The following SYNE2 variants were observed in gnomAD, a reference collection of about 807,000 sequenced individuals.
SYNE2 encodes nesprin-2.
SYNE2 carries 431 observed loss-of-function variants against 856.3 expected under a neutral mutation model. The observed-to-expected ratio is 0.50, with a 90% confidence interval of 0.47 to 0.55. The LOEUF (loss-of-function observed/expected upper bound fraction) is 0.55, where lower values mean the gene tolerates loss of function less well. Among genes scored for constraint, SYNE2 ranks in the 20% least tolerant of loss-of-function variants. SYNE2 has a pLI of 0.00. For missense variants in SYNE2, 8,129 were observed against 8,023.2 expected, an observed-to-expected ratio of 1.01 and a Z score of -0.50; for synonymous variants, 2,923 against 2,872.3, an observed-to-expected ratio of 1.02 and a Z score of -0.56.
At chr14:64,093,563 G>A in intron 61 of SYNE2, 83 bp downstream of exon 61, 1 of 1,529,312 alleles carries the variant, frequency 6.5e-7, no homozygotes. Context: ...TTGGTGTCTA[G>A]GAGCCTTTCT....
chr14:64,218,484 A>C lies in SYNE2; in HGVS notation c.19629A>C (p.Gly6543=). The stretch of plus-strand genomic sequence containing the variant: ...GCAACCCACAGCAGGAAGACGGGGG[A>C]CTGGCCGGTATCACAGAGCAGCAGT... The part of the protein sequence containing the change: ...LNGNPQQEDG[G]LAGITEQQSG... The change falls in exon 109 of 116, where the codon GGA becomes GGC. Residue 6543 remains glycine, a synonymous_variant. Transcript: ENST00000555002. The C allele has an allele frequency of 6.2e-7, 1 of 1,614,012 alleles. No individual in the cohort carries two copies. The highest frequency in any genetic ancestry group is 8.5e-7 in the Non-Finnish European group (1 of 1,180,008).
intron 74 of SYNE2, 60 bp from the exon 75 acceptor site, chr14:64,129,722 C>T: frequency 6.2e-7 from 1 of 1,609,056 alleles, no homozygotes. Context: ...TTTTAGATAA[C>T]TATGTGTACT....
intron 1 of SYNE2, among the ~76,000 whole-genome samples, chr14:63,833,200 C>A (rs1405878972): frequency 6.6e-6 from 1 of 151,598 alleles, no homozygotes; most frequent in Non-Finnish European, 1.5e-5. Context: ...CAAAGCAAGG[C>A]CCTGTCCAAA....
At chr14:63,847,389 C>T (rs998910167) in intron 1 of SYNE2, among the ~76,000 whole-genome samples, 9 of 151,600 alleles carry the variant, frequency 5.9e-5, no homozygotes, top group Admixed American at 2.6e-4. Context: ...CCCAGGAGGT[C>T]GAGGCTGCAA....
chr14:64,124,964 C>A, intron 70 of SYNE2, 115 bp from the exon 71 acceptor site: 1 of 1,325,226 alleles, frequency 7.5e-7, no homozygotes, highest in Admixed American at 2.1e-5. Flanking sequence ...GATCATGCCA[C>A]TGCACTCCAG....
intron 2 of SYNE2, among the ~76,000 whole-genome samples, chr14:63,923,424 A>G (rs1318339000): frequency 1.3e-5 from 2 of 152,252 alleles, no homozygotes; most frequent in Non-Finnish European, 2.9e-5. Context: ...ATATTTTCCC[A>G]ACAAACTAAG....
intron 73 of SYNE2, 115 bp downstream of exon 73, chr14:64,126,922 A>C: frequency 8.7e-7 from 1 of 1,147,172 alleles, no homozygotes. Flanking sequence ...AAGGGAAATG[A>C]TGAGACTCTT....
intron 1 of SYNE2, among the ~76,000 whole-genome samples, chr14:63,822,616 G>A (rs920884922): frequency 6.6e-6 from 1 of 152,186 alleles, no homozygotes; most frequent in Admixed American, 6.6e-5. Context: ...ATTTGCAAAG[G>A]TTAAACATAT....
intron 59 of SYNE2, 116 bp from the exon 60 acceptor site, chr14:64,090,750 A>G (rs1332587525): frequency 5.3e-6 from 5 of 949,234 alleles, no homozygotes; most frequent in Non-Finnish European, 1.6e-6. Context: ...GAGCTAAGAA[A>G]TTATTTTAAA....
At chr14:63,879,867 T>C (rs1431740486) in intron 1 of SYNE2, among the ~76,000 whole-genome samples, 1 of 152,262 alleles carries the variant, frequency 6.6e-6, no homozygotes, top group African/African-American at 2.4e-5. Flanking sequence ...CTTGGGTTTA[T>C]AGCACCAACC....
At chr14:63,872,398 C>T (rs1355064430) in intron 1 of SYNE2, among the ~76,000 whole-genome samples, 1 of 150,670 alleles carries the variant, frequency 6.6e-6, no homozygotes, top group Non-Finnish European at 1.5e-5. Context: ...TGTCACTGCA[C>T]TCCACACCCT....
At position 64,189,971 on chromosome 14, in the gene SYNE2, T is replaced by A. The variant is rs577189389; in HGVS notation, c.17872-100T>A. 9 of 1,450,770 alleles carry A rather than the reference T, an allele frequency of 6.2e-6. No individual in the cohort carries two copies. The Admixed American group carries it at 1.1e-4, about 17-fold the overall frequency. 89.9% of individuals were successfully genotyped at this position (1,450,770 alleles called of 1,614,324 possible). A position where few individuals can be genotyped will look rare whatever the true frequency, so the allele number is the denominator to read the frequency against. On this transcript the variant is annotated intron_variant, in intron 98 of 115. Transcript: ENST00000555002. ...AGCCACTATGCCTGGCCAATTTTTT[T>A]TTTTTTTTTTAATTTCAAGAGGTAA...
chr14:64,100,407 T>C (rs1337405028), intron 63 of SYNE2: 1 of 150,110 alleles, frequency 6.7e-6, no homozygotes, highest in Admixed American at 6.7e-5. Context: ...TCCCAGCTAC[T>C]TGGGAGGCTG....
intron 99 of SYNE2, among the ~76,000 whole-genome samples, chr14:64,201,256 G>A (rs961805907): frequency 2.0e-5 from 3 of 152,170 alleles, no homozygotes; most frequent in Non-Finnish European, 4.4e-5. Flanking sequence ...CTTTGCGGGT[G>A]TACTTGAAAT....
intron 96 of SYNE2, among the ~76,000 whole-genome samples, chr14:64,179,009 C>T (rs866996881): frequency 3.3e-5 from 5 of 152,008 alleles, no homozygotes; most frequent in Middle Eastern, 3.4e-3. Context: ...CCCAGTAGGT[C>T]GAGGATACAG....
At chr14:64,018,538 A>G (rs972439289) in intron 34 of SYNE2, among the ~76,000 whole-genome samples, 1 of 152,214 alleles carries the variant, frequency 6.6e-6, no homozygotes, top group Non-Finnish European at 1.5e-5. Context: ...CATCATGCCC[A>G]GCCAGCAGAC....
At chr14:64,152,288 A>G (rs147260339) in intron 84 of SYNE2, among the ~76,000 whole-genome samples, 10 of 152,322 alleles carry the variant, frequency 6.6e-5, no homozygotes, top group African/African-American at 2.2e-4. Flanking sequence ...CAGCCAGTGC[A>G]GGGCAGACGT....
chr14:64,210,509 C>A (rs79612524), intron 103 of SYNE2, among the ~76,000 whole-genome samples: 24 of 152,168 alleles, frequency 1.6e-4, no homozygotes, highest in Non-Finnish European at 3.1e-4. Flanking sequence ...TTATGGGACC[C>A]CCCCCAGCTC....
intron 45 of SYNE2, among the ~76,000 whole-genome samples, chr14:64,034,944 T>TA (rs997619293): frequency 5.3e-5 from 8 of 150,530 alleles, no homozygotes; most frequent in Non-Finnish European, 1.2e-4. Context: ...ATTTTTTTTC[T>TA]AAAAAATCAT....
Sources: allele counts gnomAD v4.1 joint callset (sites outside exome capture counted in the v4.1 genomes callset), GRCh38; gene constraint gnomAD v4.1.1; transcripts MANE v1.5; gene names NCBI Gene and HGNC (gene_info 2026-07-23, HGNC 2026-07-21).